Variants in TRPM3 observed in about 807,000 individuals in gnomAD.
TRPM3 encodes transient receptor potential cation channel subfamily M member 3.
TRPM3 carries 77 observed loss-of-function variants against 181.2 expected under a neutral mutation model. The ratio of observed to expected loss-of-function variants is 0.42; its 90% CI spans 0.35 to 0.51. TRPM3 has a LOEUF of 0.51. Among genes scored for constraint, TRPM3 ranks in the 20% least tolerant of loss-of-function variants. The pLI, the probability that TRPM3 is intolerant of heterozygous loss-of-function variation, is 0.01. For synonymous variants in TRPM3, 745 were observed against 796.4 expected, an observed-to-expected ratio of 0.94 and a Z score of 1.09; for missense variants, 1,759 against 2,196.7, an observed-to-expected ratio of 0.80 and a Z score of 3.98.
chr9:71,320,180 G>C (rs937182793), intron 1 of TRPM3, among the ~76,000 whole-genome samples: 1 of 151,672 alleles, frequency 6.6e-6, no homozygotes, highest in Admixed American at 6.6e-5. Flanking sequence ...GTTTCTTCTG[G>C]ACCACAGCCA....
rs114770249 is a variant in TRPM3 at position 70,541,415 on chromosome 9, G to T, written c.3708-4010C>A. On this transcript the variant is annotated intron_variant, in intron 25 of 25. Transcript: ENST00000677713. Reference sequence around the variant, plus strand: ...GATCACTTAGGTCATGGACCTAGCTGATAGGGGTTTAATATAGGGGCTATA... The same window carrying T: ...GATCACTTAGGTCATGGACCTAGCTTATAGGGGTTTAATATAGGGGCTATA... Among the ~76,000 whole-genome samples, 389 of 152,204 alleles carry T rather than the reference G, an allele frequency of 2.6e-3. 3 individuals are homozygous for T. The highest frequency in any genetic ancestry group is 8.9e-3 in the African/African-American group (368 of 41,516).
chr9:70,611,149 T>C (rs2061939137), intron 18 of TRPM3, among the ~76,000 whole-genome samples: 1 of 152,210 alleles, frequency 6.6e-6, no homozygotes, highest in South Asian at 2.1e-4. Flanking sequence ...TCAAATTCTG[T>C]CTCTTCAGAT....
At chr9:70,672,470 G>A (rs2063157133) in intron 9 of TRPM3, among the ~76,000 whole-genome samples, 1 of 152,130 alleles carries the variant, frequency 6.6e-6, no homozygotes, top group Non-Finnish European at 1.5e-5. Context: ...CCTGAATTCA[G>A]TTTATCTTTA....
In TRPM3 at chr9:71,006,036, G is replaced by A. The variant is rs547024102; in HGVS notation, c.177+115142C>T. On this transcript the variant is annotated intron_variant, in intron 1 of 25. Transcript: ENST00000677713. ...CATCAAAAAGTCAAAATGTGAGGAG[G>A]GGACGTGGTATTAAAATATAAAATT... Among the ~76,000 whole-genome samples, 21 of 152,192 alleles carry A rather than the reference G, an allele frequency of 1.4e-4. No homozygotes were observed. In the South Asian group the frequency reaches 4.4e-3, roughly 32 times the overall value.
intron 22 of TRPM3, among the ~76,000 whole-genome samples, chr9:70,579,846 C>A (rs1004509716): frequency 6.6e-6 from 1 of 152,184 alleles, no homozygotes; most frequent in Non-Finnish European, 1.5e-5. Flanking sequence ...CTTTGTGAAG[C>A]CTCCCCACAC....
chr9:71,189,128 A>G (rs565534241), intron 1 of TRPM3, among the ~76,000 whole-genome samples: 3 of 151,974 alleles, frequency 2.0e-5, no homozygotes, highest in South Asian at 2.1e-4. Flanking sequence ...TATGATGTTT[A>G]GAATTTCTGG....
At chr9:70,605,691 A>G (rs1346037210) in intron 19 of TRPM3, among the ~76,000 whole-genome samples, 2 of 152,112 alleles carry the variant, frequency 1.3e-5, no homozygotes, top group African/African-American at 4.8e-5. Context: ...CAAAAAAAGG[A>G]CTTTAGTGGT....
chr9:70,690,895 T>A (rs559392077), intron 8 of TRPM3, among the ~76,000 whole-genome samples: 1 of 152,334 alleles, frequency 6.6e-6, no homozygotes, highest in African/African-American at 2.4e-5. Context: ...ATACTATGCA[T>A]CTAAAACATA....
chr9:70,555,277 T>C (rs78568920), intron 22 of TRPM3, among the ~76,000 whole-genome samples: 4,166 of 152,234 alleles, frequency 0.027, 168 homozygotes, highest in East Asian at 0.098. Context: ...TGCTGCCCCA[T>C]CCAGTAAGGA....
intron 19 of TRPM3, among the ~76,000 whole-genome samples, chr9:70,604,115 A>G (rs1021591097): frequency 2.0e-5 from 3 of 152,210 alleles, no homozygotes; most frequent in Non-Finnish European, 4.4e-5. Context: ...CAGTTTACAG[A>G]AAGGAAAGGG....
intron 1 of TRPM3, among the ~76,000 whole-genome samples, chr9:71,007,739 A>G (rs1436924914): frequency 6.6e-6 from 1 of 152,162 alleles, no homozygotes; most frequent in Non-Finnish European, 1.5e-5. Flanking sequence ...AAATGAATAC[A>G]AATGAACACA....
At chr9:71,078,544 T>G (rs2133697578) in intron 1 of TRPM3, among the ~76,000 whole-genome samples, 1 of 152,344 alleles carries the variant, frequency 6.6e-6, no homozygotes, top group Non-Finnish European at 1.5e-5. Context: ...TATTACTTCT[T>G]CAATTAATTA....
intron 1 of TRPM3, among the ~76,000 whole-genome samples, chr9:71,236,026 G>A (rs1488294280): frequency 6.6e-6 from 1 of 152,066 alleles, no homozygotes; most frequent in Non-Finnish European, 1.5e-5. Flanking sequence ...TTGTACCTAT[G>A]GTGGTAACAA....
At chr9:70,574,415 T>A (rs746908054) in intron 22 of TRPM3, among the ~76,000 whole-genome samples, 1 of 152,118 alleles carries the variant, frequency 6.6e-6, no homozygotes, top group African/African-American at 2.4e-5. Context: ...TCCTACTCTT[T>A]CCCTCGCAAA....
intron 1 of TRPM3, among the ~76,000 whole-genome samples, chr9:71,345,841 T>A (rs1565483996): frequency 6.6e-6 from 1 of 152,156 alleles, no homozygotes; most frequent in Non-Finnish European, 1.5e-5. Context: ...TTCAGGGAAA[T>A]GCAAATTAAA....
chr9:70,933,916 C>G (rs2096799203), intron 1 of TRPM3, among the ~76,000 whole-genome samples: 1 of 151,828 alleles, frequency 6.6e-6, no homozygotes, highest in Non-Finnish European at 1.5e-5. Context: ...CTCCCTATGA[C>G]AGAAAGGAAA....
intron 9 of TRPM3, among the ~76,000 whole-genome samples, chr9:70,664,650 T>C (rs959571413): frequency 2.3e-5 from 2 of 86,120 alleles, no homozygotes; most frequent in African/African-American, 5.0e-5. Context: ...AGTTTTTTTT[T>C]TTTTTTTTTT....
At chr9:70,866,521 T>C (rs1458354845) in intron 1 of TRPM3, among the ~76,000 whole-genome samples, 1 of 152,024 alleles carries the variant, frequency 6.6e-6, no homozygotes, top group African/African-American at 2.4e-5. Context: ...CAACACAGCA[T>C]TGTTGTCATG....
At chr9:71,059,856 C>T (rs1178857130) in intron 1 of TRPM3, among the ~76,000 whole-genome samples, 1 of 152,176 alleles carries the variant, frequency 6.6e-6, no homozygotes, top group East Asian at 1.9e-4. Context: ...CACACACATA[C>T]ACCCTATTGA....
Sources: allele counts gnomAD v4.1 joint callset (sites outside exome capture counted in the v4.1 genomes callset), GRCh38; gene constraint gnomAD v4.1.1; transcripts MANE v1.5; gene names NCBI Gene and HGNC (gene_info 2026-07-23, HGNC 2026-07-21).